The following DNTT variants were observed in gnomAD, a reference collection of about 807,000 sequenced individuals.
DNTT encodes nucleosidetriphosphate:DNA deoxynucleotidylexotransferase.
A neutral mutation model predicts 60.9 loss-of-function variants in DNTT; 47 were observed. The ratio of observed to expected loss-of-function variants is 0.77; its 90% CI spans 0.61 to 0.98. DNTT has a LOEUF of 0.98. DNTT is among the 50% of genes least tolerant of loss of function. DNTT has a pLI of 0.00. For synonymous variants in DNTT, 224 were observed against 221.2 expected (o/e 1.01, Z -0.11); for missense variants, 665 against 627.5 (o/e 1.06, Z -0.64).
At chr10:96,321,100 G>A (rs1007027559) in intron 4 of DNTT, among the ~76,000 whole-genome samples, 2 of 152,068 alleles carry the variant, frequency 1.3e-5, no homozygotes, top group Non-Finnish European at 2.9e-5. Context: ...GAATCCGTTC[G>A]GGTCTGCAGC....
intron 1 of DNTT, among the ~76,000 whole-genome samples, chr10:96,318,019 A>G (rs1844808804): frequency 6.6e-6 from 1 of 152,232 alleles, no homozygotes; most frequent in African/African-American, 2.4e-5. Flanking sequence ...AAAATGGAGC[A>G]GCATGCCAAA....
At chr10:96,334,256 C>T (rs1441810217) in intron 9 of DNTT, among the ~76,000 whole-genome samples, 1 of 152,122 alleles carries the variant, frequency 6.6e-6, no homozygotes, top group East Asian at 1.9e-4. Context: ...TCAATTTTCC[C>T]GTCAGGAAAA....
At chr10:96,324,842 G>A (rs1844921869) in intron 6 of DNTT, among the ~76,000 whole-genome samples, 1 of 152,208 alleles carries the variant, frequency 6.6e-6, no homozygotes, top group Admixed American at 6.5e-5. Context: ...CAGAAGGGTT[G>A]GCTGCTAAGA....
Position 96,332,606 on chromosome 10 carries a change from A to G in DNTT, c.1359+10A>G. ...ATGGACTGGCTCCCGGGTAAGTGCTACATGGACCCATGGGATGATGTTAGC... is the reference window on the plus strand; with the variant it reads ...ATGGACTGGCTCCCGGGTAAGTGCTGCATGGACCCATGGGATGATGTTAGC... On this transcript the variant is annotated intron_variant, in intron 9 of 10. Transcript: ENST00000371174. 1 of 1,612,158 alleles carries G rather than the reference A, an allele frequency of 6.2e-7. No homozygotes were observed. Among genetic ancestry groups the G allele is most frequent in the Non-Finnish European group, 8.5e-7 (1 of 1,178,918 alleles).
chr10:96,320,813 C>T, intron 4 of DNTT, 25 bp downstream of exon 4: 1 of 1,611,506 alleles, frequency 6.2e-7, no homozygotes. Flanking sequence ...GGATTTGTCC[C>T]ACTTCCCAAT....
In DNTT at chr10:96,336,938, AG is replaced by A. The variant is rs747280819; in HGVS notation, c.1443+966del. Among the ~76,000 whole-genome samples, 180 of 44,402 alleles carry A rather than the reference AG, an allele frequency of 4.1e-3. 5 individuals carry two copies. The highest frequency in any genetic ancestry group is 9.2e-3 in the African/African-American group (164 of 17,762). The allele number at this position is 44,402 out of a possible 152,430, so 29.1% of individuals were successfully genotyped here. On this transcript the variant is annotated intron_variant, in intron 10 of 10. Transcript: ENST00000371174. ...GGGCAACAGAGTGAGACTCTGTGTC[AG>A]GAAAAAAAAAAAAAAAAAAGTAATG...
intron 7 of DNTT, 65 bp from the exon 8 acceptor site, chr10:96,328,660 T>C (rs1435488025): frequency 2.0e-6 from 3 of 1,520,588 alleles, no homozygotes; most frequent in African/African-American, 1.4e-5. Flanking sequence ...GAAACAAAGG[T>C]GATTTTTTAA....
Position 96,322,721 on chromosome 10 carries a change from C to T in DNTT, c.743C>T (p.Ser248Phe), listed in dbSNP as rs1294328295. 2 of 1,590,986 alleles carry T rather than the reference C, an allele frequency of 1.3e-6. No homozygotes were observed. Among genetic ancestry groups the T allele is most frequent in the Non-Finnish European group, 1.7e-6 (2 of 1,164,582 alleles). ...GTGTTAAATGATGAACGATATCAAT[C>T]CTTCAAAGTAAGTGATTTTACATAT... The part of the protein sequence containing the change: ...KAVLNDERYQ[S>F]FKLFTSVFGV... The change falls in exon 5 of 11, where the codon TCC becomes TTC. Residue 248 changes from serine (S) to phenylalanine (F), a missense_variant. Physicochemically the swap from Ser to Phe is radical, Grantham distance 155 (BLOSUM62 -2). Transcript: ENST00000371174.
At chr10:96,307,715 A>G (rs1416463076) in intron 1 of DNTT, among the ~76,000 whole-genome samples, 14 of 139,084 alleles carry the variant, frequency 1.0e-4, no homozygotes, top group African/African-American at 3.6e-4. Context: ...GTATATATAT[A>G]TATATATATA....
At chr10:96,319,132 T>C (rs1844830129) in intron 2 of DNTT, 130 bp from the exon 3 acceptor site, 2 of 986,224 alleles carry the variant, frequency 2.0e-6, no homozygotes, top group Middle Eastern at 2.5e-4. Flanking sequence ...TAGAGATGTA[T>C]ATAACATAAA....
chr10:96,321,167 A>G (rs1844868193), intron 4 of DNTT, among the ~76,000 whole-genome samples: 1 of 152,182 alleles, frequency 6.6e-6, no homozygotes, highest in African/African-American at 2.4e-5. Flanking sequence ...ATAAGGCAGA[A>G]AAAGAGACTG....
At chr10:96,333,672 GT>G (rs1845033248) in intron 9 of DNTT, among the ~76,000 whole-genome samples, 1 of 152,224 alleles carries the variant, frequency 6.6e-6, no homozygotes, top group South Asian at 2.1e-4. Context: ...AGACAACATG[GT>G]TGAACCTAGA....
chr10:96,314,017 T>C (rs1234473476), intron 1 of DNTT, among the ~76,000 whole-genome samples: 11 of 152,226 alleles, frequency 7.2e-5, no homozygotes. Context: ...CTATGGCAAC[T>C]GTTCTTTCAA....
intron 3 of DNTT, 105 bp from the exon 4 acceptor site, chr10:96,320,513 C>T: frequency 7.5e-7 from 1 of 1,327,928 alleles, no homozygotes; most frequent in Non-Finnish European, 1.0e-6. Context: ...AGGAAACACG[C>T]AAGTGGTATT....
intron 1 of DNTT, among the ~76,000 whole-genome samples, chr10:96,316,013 C>T (rs1429746373): frequency 1.3e-5 from 2 of 152,084 alleles, no homozygotes; most frequent in African/African-American, 4.8e-5. Flanking sequence ...AGCTCTGACC[C>T]CAGCCCACAC....
At chr10:96,338,115 C>A in intron 10 of DNTT, 23 bp from the exon 11 acceptor site, 2 of 1,595,966 alleles carry the variant, frequency 1.3e-6, no homozygotes, top group East Asian at 2.2e-5. Flanking sequence ...TCTGAATGCA[C>A]ATATTTCTTG....
intron 3 of DNTT, among the ~76,000 whole-genome samples, chr10:96,319,849 G>C (rs1478009397): frequency 1.3e-5 from 2 of 152,152 alleles, no homozygotes; most frequent in African/African-American, 4.8e-5. Flanking sequence ...TTCTCTCTCT[G>C]AGCCTGTCTC....
chr10:96,331,651 C>G (rs1482389390), intron 8 of DNTT, among the ~76,000 whole-genome samples: 1 of 152,180 alleles, frequency 6.6e-6, no homozygotes, highest in Non-Finnish European at 1.5e-5. Context: ...CCAAAGACCT[C>G]CCATTAGGCC....
chr10:96,314,663 C>T (rs1844765895), intron 1 of DNTT, among the ~76,000 whole-genome samples: 1 of 151,928 alleles, frequency 6.6e-6, no homozygotes, highest in Admixed American at 6.6e-5. Context: ...CTGCCCCCCT[C>T]AGCCTCCCAA....
Sources: allele counts gnomAD v4.1 joint callset (sites outside exome capture counted in the v4.1 genomes callset), GRCh38; gene constraint gnomAD v4.1.1; transcripts MANE v1.5; gene names NCBI Gene and HGNC (gene_info 2026-07-23, HGNC 2026-07-21).